CD109: variants seen among roughly 807,000 people sequenced by gnomAD.
The protein encoded by CD109 is CD109 molecule.
Under a neutral mutation model 165.8 loss-of-function variants are expected in CD109, and 149 were observed. The ratio of observed to expected loss-of-function variants is 0.90; its 90% confidence interval spans 0.79 to 1.03. CD109 has a LOEUF of 1.03. Ranked by LOEUF, CD109 falls within the 50% of genes least tolerant of loss-of-function variation. The pLI is 0.00. For synonymous variants in CD109, 585 were observed against 592.1 expected (o/e 0.99, Z 0.18); for missense variants, 1,712 against 1,677.8 (o/e 1.02, Z -0.36).
chr6:73,783,172 G>C (rs919867939), intron 18 of CD109, among the ~76,000 whole-genome samples: 1 of 152,208 alleles, frequency 6.6e-6, no homozygotes, highest in Non-Finnish European at 1.5e-5. Flanking sequence ...ACAGGGAGAA[G>C]GGGCATGGGT....
At chr6:73,726,875 C>T (rs933667571) in intron 3 of CD109, among the ~76,000 whole-genome samples, 1 of 152,218 alleles carries the variant, frequency 6.6e-6, no homozygotes, top group Non-Finnish European at 1.5e-5. Flanking sequence ...ACTGTGGGAA[C>T]TGCACCTTCC....
At chr6:73,756,532 A>C in intron 5 of CD109, 111 bp from the exon 6 acceptor site, 1 of 712,998 alleles carries the variant, frequency 1.4e-6, no homozygotes, top group Non-Finnish European at 2.3e-6. Flanking sequence ...CATCATTATA[A>C]ATGTAATTTA....
At chr6:73,809,195 T>G (rs186427403) in intron 26 of CD109, among the ~76,000 whole-genome samples, 1 of 152,200 alleles carries the variant, frequency 6.6e-6, no homozygotes, top group Admixed American at 6.6e-5. Flanking sequence ...AGCAGAATTA[T>G]CTCTAGGAAG....
chr6:73,687,177 A>G, the CD109 span, among the ~76,000 whole-genome samples: 1 of 152,346 alleles, frequency 6.6e-6, no homozygotes, highest in South Asian at 2.1e-4. Flanking sequence ...GGAAAACTAT[A>G]GAGAGAAATC....
chr6:73,716,273 C>T (rs1771741245), intron 2 of CD109, among the ~76,000 whole-genome samples: 1 of 152,140 alleles, frequency 6.6e-6, no homozygotes, highest in Non-Finnish European at 1.5e-5. Flanking sequence ...ATACTGATTT[C>T]CTTTCTTTTG....
intron 30 of CD109, among the ~76,000 whole-genome samples, chr6:73,816,786 A>C (rs577391433): frequency 6.6e-6 from 1 of 152,202 alleles, no homozygotes; most frequent in Non-Finnish European, 1.5e-5. Flanking sequence ...GAAGACCCTC[A>C]TGGAGTTAAG....
At chr6:73,806,424 A>G (rs1299763312) in intron 24 of CD109, among the ~76,000 whole-genome samples, 1 of 152,188 alleles carries the variant, frequency 6.6e-6, no homozygotes, top group Non-Finnish European at 1.5e-5. Context: ...TGACGCGTTA[A>G]TGGGTGCAGC....
intron 17 of CD109, among the ~76,000 whole-genome samples, chr6:73,781,778 GAC>G (rs754018053): frequency 0.013 from 1,655 of 123,976 alleles, 34 homozygotes; most frequent in African/African-American, 0.026. Context: ...CACAGACACA[GAC>G]ACACACACAC....
chr6:73,730,165 C>T (rs1382450547), intron 3 of CD109, among the ~76,000 whole-genome samples, 179 bp from the exon 4 acceptor site: 1 of 152,186 alleles, frequency 6.6e-6, no homozygotes, highest in African/African-American at 2.4e-5. Context: ...GGAGAGCAAA[C>T]TGCAGGAAGT....
intron 2 of CD109, among the ~76,000 whole-genome samples, chr6:73,701,099 C>T (rs1176375085): frequency 1.4e-5 from 2 of 147,488 alleles, no homozygotes; most frequent in African/African-American, 5.0e-5. Flanking sequence ...CCGTGCCCAG[C>T]GATTATGGGC....
chr6:73,759,578 C>T (rs1773532937), intron 7 of CD109, among the ~76,000 whole-genome samples: 1 of 152,156 alleles, frequency 6.6e-6, no homozygotes, highest in Non-Finnish European at 1.5e-5. Flanking sequence ...ATCTTTGTTT[C>T]ACAATTATTA....
chr6:73,754,701 G>A (rs1157875812), intron 5 of CD109, among the ~76,000 whole-genome samples: 1 of 152,146 alleles, frequency 6.6e-6, no homozygotes, highest in Non-Finnish European at 1.5e-5. Context: ...ATAACAGGTT[G>A]GCACCCTAAG....
intron 29 of CD109, among the ~76,000 whole-genome samples, chr6:73,813,550 A>G (rs1414598904): frequency 6.6e-6 from 1 of 152,126 alleles, no homozygotes; most frequent in Non-Finnish European, 1.5e-5. Context: ...TGAGGGAGGA[A>G]AAAAATTACA....
In CD109 at chr6:73,806,913, A is replaced by G; in HGVS notation, c.3030A>G (p.Leu1010=). 1 of 1,613,994 alleles carries G rather than the reference A, an allele frequency of 6.2e-7. No individual in the cohort carries two copies. Among genetic ancestry groups the G allele is most frequent in the Non-Finnish European group, 8.5e-7 (1 of 1,179,962 alleles). Reference sequence around the variant, plus strand: ...ACATAGATATTGATCAGAATGTGTTACACAGAACATACACTTGGCTTAAAG... The same window carrying G: ...ACATAGATATTGATCAGAATGTGTTGCACAGAACATACACTTGGCTTAAAG... ...DPYIDIDQNV[L]HRTYTWLKGH... The change falls in exon 25 of 33, where the codon TTA becomes TTG. Residue 1010 remains leucine, a synonymous_variant. Transcript: ENST00000287097.
Position 73,814,872 on chromosome 6 carries a change from A to G in CD109, c.3769-109A>G, listed in dbSNP as rs553378642. ...TTTTTTTCTAGTTTGAAGATTAAAA[A>G]TCTTACTGGGTCCATCCAAAGAGAA... On this transcript the variant is annotated intron_variant, in intron 29 of 32. Transcript: ENST00000287097. The G allele has an allele frequency of 3.0e-5, 19 of 640,754 alleles. No homozygotes were observed. In the African/African-American group the frequency reaches 3.0e-4, roughly 10 times the overall value. The allele number at this position is 640,754 out of a possible 1,614,324, so 39.7% of individuals were successfully genotyped here. A position where few individuals can be genotyped will look rare whatever the true frequency, so the allele number is the denominator to read the frequency against.
intron 3 of CD109, among the ~76,000 whole-genome samples, chr6:73,729,759 C>G (rs1465133030): frequency 6.6e-6 from 1 of 152,024 alleles, no homozygotes; most frequent in Non-Finnish European, 1.5e-5. Flanking sequence ...GGTGATCTGC[C>G]TGCCTTGGTC....
chr6:73,721,759 C>T (rs1582059735), intron 2 of CD109, among the ~76,000 whole-genome samples: 1 of 151,940 alleles, frequency 6.6e-6, no homozygotes, highest in Non-Finnish European at 1.5e-5. Flanking sequence ...ATTTTTGAGA[C>T]AGAGTCTTGC....
In CD109 at chr6:73,763,026, C is replaced by G. The variant is rs928331240; in HGVS notation, c.997+144C>G. On this transcript the variant is annotated intron_variant, in intron 9 of 32. Coordinates refer to ENST00000287097, the MANE Select transcript of CD109 (RefSeq NM_133493.5). ...TGTTGAAATTGTTATGACTGTTAGT[C>G]TAAGTTGCAGGATGATTTTATAAGG... 3 of 743,186 alleles carry G rather than the reference C, an allele frequency of 4.0e-6. No individual in the cohort carries two copies. In the East Asian group the frequency reaches 8.5e-5, roughly 21 times the overall value. 46.0% of individuals were successfully genotyped at this position (743,186 alleles called of 1,614,324 possible).
chr6:73,801,559 A>G (rs1002626991), intron 23 of CD109, among the ~76,000 whole-genome samples: 28 of 152,164 alleles, frequency 1.8e-4, no homozygotes, highest in African/African-American at 6.5e-4. Context: ...TTCTTTATGC[A>G]TTTTGTTTTA....
Sources: gnomAD v4.1 joint callset for allele counts (sites outside exome capture counted in the v4.1 genomes callset) on GRCh38, gnomAD v4.1.1 for gene constraint, MANE v1.5 for transcripts, NCBI Gene and HGNC (gene_info 2026-07-23, HGNC 2026-07-21) for gene names.